The following SAMD4A variants were observed in gnomAD, a reference collection of about 807,000 sequenced individuals.
SAMD4A encodes sterile alpha motif domain containing 4A.
Under a neutral mutation model 81.3 loss-of-function variants are expected in SAMD4A, and 33 were observed. The ratio of observed to expected loss-of-function variants is 0.41; its 90% CI spans 0.31 to 0.54. The LOEUF (loss-of-function observed/expected upper bound fraction) is 0.54. Among genes scored for constraint, SAMD4A ranks in the 20% least tolerant of loss-of-function variants. The pLI is 0.37. For missense variants in SAMD4A, 854 were observed against 951.1 expected (o/e 0.90, Z 1.34); for synonymous variants, 389 against 382.1 (o/e 1.02, Z -0.21).
chr14:54,702,123 T>C lies in SAMD4A; in HGVS notation c.258T>C (p.His86=), dbSNP rs755814052. 2.5e-6 allele frequency: 4 copies of C among 1,614,186 alleles called. 1 individual carries two copies. In the South Asian group the frequency reaches 4.4e-5, roughly 18 times the overall value. The change falls in exon 3 of 13, where the codon CAT becomes CAC. Residue 86 remains histidine (H), a synonymous_variant. Coordinates refer to ENST00000554335, the MANE Select transcript of SAMD4A (RefSeq NM_015589.6). The part of the protein sequence containing the change: ...KDKVISLLLT[H]LPLLKPGNLD... ...AAGTGATTTCCCTCCTGTTAACTCA[T>C]CTGCCTTTGCTGAAGCCAGGAAACC...
At chr14:54,772,653 G>A (rs2038735893) in intron 9 of SAMD4A, among the ~76,000 whole-genome samples, 1 of 152,136 alleles carries the variant, frequency 6.6e-6, no homozygotes, top group African/African-American at 2.4e-5. Context: ...CATTGACTCT[G>A]TATTTTGCAT....
intron 3 of SAMD4A, among the ~76,000 whole-genome samples, chr14:54,723,412 T>C (rs796688306): frequency 9.8e-5 from 15 of 152,318 alleles, no homozygotes; most frequent in African/African-American, 3.6e-4. Context: ...GGAAACAATA[T>C]GTTTACCACA....
rs1228297002 is a variant in SAMD4A, at chr14:54,775,031, A to T, written c.1813A>T (p.Asn605Tyr). ...GCGCCAGTACCAGATCCCCTCTCGG[A>T]ACGTCCCTTCCGCCCGCCTGGGCCT... ...NPRQYQIPSR[N>Y]VPSARLGLLG... The change falls in exon 10 of 13, where the codon AAC (asparagine) becomes TAC (tyrosine). Residue 605 changes from asparagine to tyrosine, a missense_variant. Coordinates refer to ENST00000554335, the MANE Select transcript of SAMD4A (RefSeq NM_015589.6). 1.2e-6 allele frequency: 2 copies of T among 1,614,162 alleles called. No individual in the cohort carries two copies.
At chr14:54,587,486 G>C (rs1226306711) in intron 2 of SAMD4A, among the ~76,000 whole-genome samples, 2 of 152,096 alleles carry the variant, frequency 1.3e-5, no homozygotes, top group Non-Finnish European at 2.9e-5. Flanking sequence ...GGTGAAAGTG[G>C]GTATCCTCGT....
chr14:54,626,015 GGTGTGTGTGTGT>G (rs71446501), intron 2 of SAMD4A, among the ~76,000 whole-genome samples: 1,910 of 131,748 alleles, frequency 0.014, 50 homozygotes, highest in African/African-American at 0.047. Context: ...TCTACTGCTA[GGTGTGTGTGTGT>G]GTGTGTGTGT....
At position 54,770,585 on chromosome 14, in the gene SAMD4A, A is replaced by AACCC. The variant is rs1356801428; in HGVS notation, c.1715+364_1715+365insCCCA. Among the ~76,000 whole-genome samples, 86 of 152,240 alleles carry AACCC rather than the reference A, an allele frequency of 5.6e-4. 1 individual carries two copies. Among genetic ancestry groups the AACCC allele is most frequent in the African/African-American group, 2.0e-3 (85 of 41,498 alleles). ...AAGGATAAAAATGGGTTGTTCTATC[A>AACCC]ATCAGCACCTTAAGTGGTAGTGTGA... On this transcript the variant is annotated intron_variant, in intron 9 of 12. Coordinates refer to ENST00000554335, the MANE Select transcript of SAMD4A (RefSeq NM_015589.6).
chr14:54,629,739 G>A (rs1376167314), intron 2 of SAMD4A, among the ~76,000 whole-genome samples: 2 of 152,024 alleles, frequency 1.3e-5, no homozygotes, highest in African/African-American at 2.4e-5. Flanking sequence ...GGTATGAAGT[G>A]CATTCACATT....
intron 2 of SAMD4A, among the ~76,000 whole-genome samples, chr14:54,668,386 A>G (rs2035800034): frequency 6.6e-6 from 1 of 152,194 alleles, no homozygotes; most frequent in South Asian, 2.1e-4. Flanking sequence ...AATCGCTCAG[A>G]TGGCATGATA....
chr14:54,583,119 A>G (rs1397439968), intron 2 of SAMD4A, among the ~76,000 whole-genome samples: 1 of 151,878 alleles, frequency 6.6e-6, no homozygotes, highest in African/African-American at 2.4e-5. Flanking sequence ...AATTTTTTGT[A>G]TTTTAGTAGA....
At chr14:54,738,554 A>G (rs533279244) in intron 4 of SAMD4A, among the ~76,000 whole-genome samples, 3 of 152,364 alleles carry the variant, frequency 2.0e-5, no homozygotes, top group African/African-American at 7.2e-5. Context: ...AACAGGCAGC[A>G]AAAGCCATGT....
At chr14:54,776,015 TAAA>T (rs10539223) in intron 10 of SAMD4A, among the ~76,000 whole-genome samples, 25,362 of 89,134 alleles carry the variant, frequency 0.28, 3,124 homozygotes, top group East Asian at 0.42. Flanking sequence ...GTAAGAATCT[TAAA>T]AAAAAAAAAA....
At chr14:54,630,186 A>G (rs977612552) in intron 2 of SAMD4A, among the ~76,000 whole-genome samples, 8 of 152,200 alleles carry the variant, frequency 5.3e-5, no homozygotes, top group East Asian at 3.8e-4. Context: ...TATTTTGGGT[A>G]TATATCGAGA....
chr14:54,638,551 A>T (rs1317376807), intron 2 of SAMD4A, among the ~76,000 whole-genome samples: 2 of 152,236 alleles, frequency 1.3e-5, no homozygotes, highest in Admixed American at 1.3e-4. Flanking sequence ...TGTTTGTTAA[A>T]TTCCCTGATT....
intron 2 of SAMD4A, among the ~76,000 whole-genome samples, chr14:54,584,378 T>C (rs2033559104): frequency 1.3e-5 from 2 of 152,198 alleles, no homozygotes. Flanking sequence ...CATCAGCGTC[T>C]TTTTTATGCA....
At chr14:54,737,318 A>G in intron 4 of SAMD4A, 31 bp downstream of exon 4, 1 of 1,611,698 alleles carries the variant, frequency 6.2e-7, no homozygotes. Context: ...CCACTGGGGA[A>G]AGAGCCCCTC....
chr14:54,574,598 G>A (rs1192500747), intron 2 of SAMD4A, among the ~76,000 whole-genome samples: 3 of 152,156 alleles, frequency 2.0e-5, no homozygotes, highest in African/African-American at 7.2e-5. Context: ...AACACTCTAT[G>A]ATTTCCAGTA....
intron 2 of SAMD4A, among the ~76,000 whole-genome samples, chr14:54,602,981 T>A (rs1314526600): frequency 6.6e-6 from 1 of 152,186 alleles, no homozygotes; most frequent in Non-Finnish European, 1.5e-5. Flanking sequence ...CAGCCTACCT[T>A]TTAACAGAAC....
chr14:54,748,750 C>A, intron 4 of SAMD4A, 65 bp from the exon 5 acceptor site: 1 of 1,109,438 alleles, frequency 9.0e-7, no homozygotes, highest in Non-Finnish European at 1.3e-6. Flanking sequence ...GTTCCTACAT[C>A]TCTCGTCATC....
rs1403171235 is a variant in SAMD4A at position 54,567,170 on chromosome 14, T to C, written c.-590T>C. On this transcript the variant is annotated 5_prime_UTR_variant, in exon 1 of 13. Coordinates refer to ENST00000554335, the MANE Select transcript of SAMD4A (RefSeq NM_015589.6). ...TTTCTGCGCGGGGAAGATCTGTTGC[T>C]GGTGCTGGCGTTCTTAAGCACGGCG... is the stretch of plus-strand genomic sequence containing the variant. The C allele has an allele frequency of 2.0e-5, 3 of 152,238 alleles. No individual in the cohort carries two copies. Among genetic ancestry groups the C allele is most frequent in the African/African-American group, 4.8e-5 (2 of 41,446 alleles). 9.4% of individuals were successfully genotyped at this position (152,238 alleles called of 1,614,324 possible).
Sources: gnomAD v4.1 joint callset for allele counts (sites outside exome capture counted in the v4.1 genomes callset) on GRCh38, gnomAD v4.1.1 for gene constraint, MANE v1.5 for transcripts, NCBI Gene and HGNC (gene_info 2026-07-23, HGNC 2026-07-21) for gene names.